Variants in NXPH1 observed in about 807,000 individuals in gnomAD.
NXPH1 encodes neurexophilin-1.
NXPH1 carries 5 observed loss-of-function variants against 23.7 expected under a neutral mutation model. The ratio of observed to expected loss-of-function variants is 0.21; its 90% CI spans 0.11 to 0.44. NXPH1 has a LOEUF of 0.44. Ranked by LOEUF, NXPH1 falls within the 20% of genes least tolerant of loss-of-function variation. The probability of loss-of-function intolerance (pLI) is 0.99; values close to 1 mark genes in which losing one functional copy is unlikely to be tolerated. For missense variants in NXPH1, 324 were observed against 321.6 expected, an observed-to-expected ratio of 1.01 and a Z score of -0.06; for synonymous variants, 144 against 122.2, an observed-to-expected ratio of 1.18 and a Z score of -1.18.
intron 2 of NXPH1, among the ~76,000 whole-genome samples, chr7:8,623,138 T>C (rs1819909330): frequency 6.6e-6 from 1 of 152,032 alleles, no homozygotes; most frequent in South Asian, 2.1e-4. Context: ...TGAGGAAGTC[T>C]TAAAGAAAAA....
intron 2 of NXPH1, among the ~76,000 whole-genome samples, chr7:8,577,541 CTA>C (rs1423433743): frequency 6.6e-6 from 1 of 152,148 alleles, no homozygotes; most frequent in Non-Finnish European, 1.5e-5. Flanking sequence ...ATCTATTGAT[CTA>C]TGATTCCAGC....
intron 2 of NXPH1, among the ~76,000 whole-genome samples, chr7:8,490,614 T>C (rs796237894): frequency 2.6e-5 from 4 of 152,126 alleles, no homozygotes; most frequent in African/African-American, 9.6e-5. Context: ...GTGAAGCAGA[T>C]CGGTTCCAAT....
intron 2 of NXPH1, among the ~76,000 whole-genome samples, chr7:8,550,077 A>T (rs1045186308): frequency 4.0e-5 from 6 of 151,714 alleles, no homozygotes; most frequent in Admixed American, 3.3e-4. Context: ...AATAGGAGAA[A>T]CCACCAATAG....
chr7:8,468,987 A>G (rs955352371), intron 2 of NXPH1, among the ~76,000 whole-genome samples: 6 of 152,058 alleles, frequency 3.9e-5, no homozygotes, highest in Middle Eastern at 3.2e-3. Flanking sequence ...CAATTGATAT[A>G]ACAATCTTGT....
chr7:8,566,745 T>C (rs1477174746), intron 2 of NXPH1, among the ~76,000 whole-genome samples: 1 of 151,812 alleles, frequency 6.6e-6, no homozygotes, highest in Non-Finnish European at 1.5e-5. Flanking sequence ...GACTGAGCCA[T>C]GCTACCAGTA....
At chr7:8,638,051 TGTG>T (rs1194394144) in intron 2 of NXPH1, among the ~76,000 whole-genome samples, 3 of 152,090 alleles carry the variant, frequency 2.0e-5, no homozygotes, top group African/African-American at 7.2e-5. Flanking sequence ...TAAAAATGGA[TGTG>T]GTGCAGGTGG....
At chr7:8,448,591 C>T (rs1015366068) in intron 2 of NXPH1, among the ~76,000 whole-genome samples, 7 of 151,946 alleles carry the variant, frequency 4.6e-5, no homozygotes, top group African/African-American at 1.5e-4. Flanking sequence ...CCGAGGCGGG[C>T]GGATTGCTTG....
chr7:8,469,243 C>T (rs1447988074), intron 2 of NXPH1, among the ~76,000 whole-genome samples: 3 of 151,508 alleles, frequency 2.0e-5, no homozygotes, highest in African/African-American at 4.9e-5. Context: ...AATTCTTGGA[C>T]TATTTTAGAC....
At chr7:8,670,648 C>A (rs1049793135) in intron 2 of NXPH1, among the ~76,000 whole-genome samples, 4 of 152,130 alleles carry the variant, frequency 2.6e-5, no homozygotes, top group African/African-American at 9.7e-5. Flanking sequence ...TTAGGCTGCC[C>A]AATATCGTCA....
chr7:8,630,958 G>T (rs532175355), intron 2 of NXPH1, among the ~76,000 whole-genome samples: 5 of 152,072 alleles, frequency 3.3e-5, no homozygotes, highest in Non-Finnish European at 7.4e-5. Context: ...CTCAGTATGT[G>T]TTGTTCCCCT....
At chr7:8,612,947 G>C (rs1463589108) in intron 2 of NXPH1, among the ~76,000 whole-genome samples, 1 of 152,012 alleles carries the variant, frequency 6.6e-6, no homozygotes, top group Non-Finnish European at 1.5e-5. Context: ...AAACTGCTTT[G>C]TTGGGTAGGA....
chr7:8,579,866 C>T (rs1055634100), intron 2 of NXPH1, among the ~76,000 whole-genome samples: 3 of 152,146 alleles, frequency 2.0e-5, no homozygotes, highest in Non-Finnish European at 4.4e-5. Context: ...CATTGGGGGG[C>T]ATCTAGGGAT....
intron 2 of NXPH1, among the ~76,000 whole-genome samples, chr7:8,549,478 C>T (rs1485909537): frequency 6.6e-6 from 1 of 151,374 alleles, no homozygotes; most frequent in African/African-American, 2.4e-5. Context: ...ATAATAAAAG[C>T]GAAATATAAA....
At chr7:8,596,070 T>A (rs373417832) in intron 2 of NXPH1, among the ~76,000 whole-genome samples, 1 of 152,216 alleles carries the variant, frequency 6.6e-6, no homozygotes, top group Admixed American at 6.5e-5. Flanking sequence ...GTATATATAT[T>A]CACTTAGGCA....
intron 2 of NXPH1, among the ~76,000 whole-genome samples, chr7:8,603,773 T>G (rs1819414917): frequency 6.6e-6 from 1 of 152,184 alleles, no homozygotes; most frequent in African/African-American, 2.4e-5. Flanking sequence ...TTCACCACAC[T>G]GTGTAATCTC....
rs544011330 is a variant in NXPH1 at position 8,491,792 on chromosome 7, A to T, written c.54+56025A>T. Among the ~76,000 whole-genome samples, 15 of 152,212 alleles carry T rather than the reference A, an allele frequency of 9.9e-5. No homozygotes were observed. The East Asian group carries it at 2.7e-3, about 28-fold the overall frequency. On this transcript the variant is annotated intron_variant, in intron 2 of 2. Transcript: ENST00000405863. Reference sequence around the variant, plus strand: ...AAATATCTACATTCATTTTCCAAGAAACATGAATTGATCACATTCAGCATG... The same window carrying T: ...AAATATCTACATTCATTTTCCAAGATACATGAATTGATCACATTCAGCATG...
intron 2 of NXPH1, among the ~76,000 whole-genome samples, chr7:8,528,199 T>G (rs940569305): frequency 6.6e-6 from 1 of 152,154 alleles, no homozygotes; most frequent in African/African-American, 2.4e-5. Flanking sequence ...AAAGCCCCCC[T>G]CCTCCCCTGA....
At chr7:8,739,198 A>C (rs888852693) in intron 2 of NXPH1, among the ~76,000 whole-genome samples, 39 of 140,190 alleles carry the variant, frequency 2.8e-4, no homozygotes, top group African/African-American at 6.3e-4. Flanking sequence ...AAAAAAAAAA[A>C]AAAAAACCCT....
At chr7:8,453,887 C>T (rs942797124) in intron 2 of NXPH1, among the ~76,000 whole-genome samples, 1 of 152,062 alleles carries the variant, frequency 6.6e-6, no homozygotes, top group African/African-American at 2.4e-5. Context: ...TGAACATATG[C>T]ATGCATGTGC....
Sources: gnomAD v4.1 joint callset for allele counts (sites outside exome capture counted in the v4.1 genomes callset) on GRCh38, gnomAD v4.1.1 for gene constraint, MANE v1.5 for transcripts, NCBI Gene and HGNC (gene_info 2026-07-23, HGNC 2026-07-21) for gene names.